Variants in DPYD observed in about 807,000 individuals in gnomAD.
DPYD encodes the protein dihydropyrimidine dehydrogenase [NADP(+)].
A neutral mutation model predicts 116.2 loss-of-function variants in DPYD; 109 were observed. The ratio of observed to expected loss-of-function variants is 0.94; its 90% CI spans 0.80 to 1.10. DPYD has a LOEUF of 1.10. DPYD is among the 50% of genes least tolerant of loss of function. The pLI is 0.00. For synonymous variants in DPYD, 440 were observed against 432.0 expected, an observed-to-expected ratio of 1.02 and a Z score of -0.23; for missense variants, 1,302 against 1,254.5, an observed-to-expected ratio of 1.04 and a Z score of -0.57.
intron 3 of DPYD, among the ~76,000 whole-genome samples, chr1:97,796,645 A>G (rs1667584331): frequency 6.6e-6 from 1 of 152,154 alleles, no homozygotes; most frequent in Non-Finnish European, 1.5e-5. Context: ...TATAGGAAGG[A>G]AAGGGAAAGA....
chr1:97,669,454 A>C (rs1659742165), intron 8 of DPYD, among the ~76,000 whole-genome samples: 1 of 152,156 alleles, frequency 6.6e-6, no homozygotes, highest in African/African-American at 2.4e-5. Context: ...AGGTGGGAAC[A>C]ATATGACTGT....
At chr1:97,551,685 A>G (rs964295768) in intron 11 of DPYD, among the ~76,000 whole-genome samples, 3 of 152,126 alleles carry the variant, frequency 2.0e-5, no homozygotes, top group African/African-American at 7.2e-5. Context: ...TGAGCAAGGT[A>G]GGAATAATTC....
At chr1:97,854,645 GA>G (rs1286465281) in intron 2 of DPYD, among the ~76,000 whole-genome samples, 1 of 152,194 alleles carries the variant, frequency 6.6e-6, no homozygotes, top group Non-Finnish European at 1.5e-5. Context: ...TGAAAAGTTT[GA>G]AAATTCTACT....
intron 2 of DPYD, among the ~76,000 whole-genome samples, chr1:97,844,320 A>G (rs1670185040): frequency 6.6e-6 from 1 of 152,152 alleles, no homozygotes; most frequent in Non-Finnish European, 1.5e-5. Flanking sequence ...TGCTGATGAG[A>G]TGACTGATGC....
chr1:97,648,539 CTT>C (rs1658398966), intron 8 of DPYD, among the ~76,000 whole-genome samples: 1 of 151,308 alleles, frequency 6.6e-6, no homozygotes, highest in Non-Finnish European at 1.5e-5. Context: ...AAAGAAAACA[CTT>C]TATTAAAAAA....
chr1:97,418,166 A>C (rs544860538), intron 14 of DPYD, among the ~76,000 whole-genome samples: 33 of 152,334 alleles, frequency 2.2e-4, no homozygotes, highest in Non-Finnish European at 4.3e-4. Context: ...AAGTATTAAT[A>C]ACTACATAGA....
intron 20 of DPYD, among the ~76,000 whole-genome samples, chr1:97,156,865 C>G (rs563806046): frequency 7.4e-4 from 113 of 151,994 alleles, no homozygotes; most frequent in African/African-American, 2.6e-3. Context: ...TTGGAACCAA[C>G]CCAAATGTCC....
chr1:97,102,109 TA>T (rs1427044702), intron 20 of DPYD, among the ~76,000 whole-genome samples: 1 of 151,974 alleles, frequency 6.6e-6, no homozygotes, highest in Non-Finnish European at 1.5e-5. Context: ...TGGATCAATC[TA>T]AAGTTAATTG....
intron 2 of DPYD, among the ~76,000 whole-genome samples, chr1:97,843,847 T>C (rs1670158691): frequency 6.6e-6 from 1 of 152,144 alleles, no homozygotes; most frequent in African/African-American, 2.4e-5. Flanking sequence ...TTTTAATGAA[T>C]AGGGGAGAGA....
intron 8 of DPYD, among the ~76,000 whole-genome samples, chr1:97,653,390 C>G: frequency 6.6e-6 from 1 of 151,132 alleles, no homozygotes; most frequent in Non-Finnish European, 1.5e-5. Flanking sequence ...CTGCAACCTC[C>G]GACTCCCGGG....
intron 12 of DPYD, among the ~76,000 whole-genome samples, chr1:97,519,306 A>C (rs1473270869): frequency 6.6e-6 from 1 of 152,158 alleles, no homozygotes; most frequent in Non-Finnish European, 1.5e-5. Context: ...GACAGCAGGC[A>C]AAGAGGGAGA....
chr1:97,538,431 G>A (rs867505260), intron 12 of DPYD, among the ~76,000 whole-genome samples: 1 of 152,112 alleles, frequency 6.6e-6, no homozygotes, highest in Non-Finnish European at 1.5e-5. Flanking sequence ...TTGAACTAGT[G>A]ACCAAGAGGT....
At chr1:97,886,708 T>A (rs1344834750) in intron 1 of DPYD, among the ~76,000 whole-genome samples, 1 of 151,978 alleles carries the variant, frequency 6.6e-6, no homozygotes, top group Non-Finnish European at 1.5e-5. Flanking sequence ...TGAACCTGTA[T>A]GCAGGGAAGT....
At chr1:97,652,745 T>C (rs755265685) in intron 8 of DPYD, among the ~76,000 whole-genome samples, 5 of 152,162 alleles carry the variant, frequency 3.3e-5, no homozygotes, top group Non-Finnish European at 5.9e-5. Flanking sequence ...TCCTATGATA[T>C]CAATCAAGAA....
chr1:97,621,499 GCTAT>G (rs1467534629), intron 8 of DPYD, among the ~76,000 whole-genome samples: 3 of 152,008 alleles, frequency 2.0e-5, no homozygotes. Flanking sequence ...TCAAAAATCA[GCTAT>G]CTAATAATTA....
At chr1:97,856,561 T>A (rs1365347337) in intron 2 of DPYD, 1 of 152,198 alleles carries the variant, frequency 6.6e-6, no homozygotes, top group Admixed American at 6.5e-5. Context: ...TATTAACAAT[T>A]TACATGTTTC....
intron 8 of DPYD, among the ~76,000 whole-genome samples, chr1:97,619,052 G>A (rs1023422584): frequency 1.3e-5 from 2 of 152,084 alleles, no homozygotes; most frequent in African/African-American, 4.8e-5. Flanking sequence ...CCACCAGACT[G>A]TAAATGGGGA....
chr1:97,490,415 A>G (rs189896278), intron 13 of DPYD, among the ~76,000 whole-genome samples: 57 of 147,974 alleles, frequency 3.9e-4, no homozygotes, highest in Non-Finnish European at 6.3e-4. Context: ...ATTATATATT[A>G]GTATAACACA....
intron 5 of DPYD, among the ~76,000 whole-genome samples, chr1:97,712,663 C>A (rs1327486766): frequency 6.6e-6 from 1 of 151,942 alleles, no homozygotes; most frequent in Non-Finnish European, 1.5e-5. Flanking sequence ...GTGTGTGTGG[C>A]CTTCAATCAA....
Sources: gnomAD v4.1 joint callset for allele counts (sites outside exome capture counted in the v4.1 genomes callset) on GRCh38, gnomAD v4.1.1 for gene constraint, MANE v1.5 for transcripts, NCBI Gene and HGNC (gene_info 2026-07-23, HGNC 2026-07-21) for gene names.